CENPK: variants seen among roughly 807,000 people sequenced by gnomAD.
The protein encoded by CENPK is centromere protein K, also known as SoxLZ/Sox6-binding protein Solt.
A neutral mutation model predicts 40.9 loss-of-function variants in CENPK; 46 were observed. The observed-to-expected ratio is 1.13, with a 90% CI of 0.89 to 1.44. CENPK has a LOEUF of 1.44. CENPK is among the 40% of genes most tolerant of loss of function. The pLI, the probability that CENPK is intolerant of heterozygous loss-of-function variation, is 0.00. For missense variants in CENPK, 288 were observed against 303.5 expected, an observed-to-expected ratio of 0.95 and a Z score of 0.38; for synonymous variants, 107 against 104.4, an observed-to-expected ratio of 1.02 and a Z score of -0.15.
At chr5:65,510,830 G>A in the CENPK span, among the ~76,000 whole-genome samples, 1 of 151,920 alleles carries the variant, frequency 6.6e-6, no homozygotes, top group African/African-American at 2.4e-5. Context: ...TTAATTAATG[G>A]AGTATTGGGT....
intron 5 of CENPK, among the ~76,000 whole-genome samples, chr5:65,547,955 C>T (rs974200122): frequency 2.0e-5 from 3 of 152,108 alleles, no homozygotes; most frequent in African/African-American, 7.2e-5. Context: ...TGAGCCACAG[C>T]GCCCAGCCTG....
intron 5 of CENPK, chr5:65,551,159 A>C (rs1171378088): frequency 2.5e-6 from 1 of 402,720 alleles, no homozygotes; most frequent in South Asian, 1.8e-5. Context: ...CTGAGGTAGG[A>C]GGATCACTTG....
At chr5:65,496,750 AT>A in the CENPK span, among the ~76,000 whole-genome samples, 2 of 152,000 alleles carry the variant, frequency 1.3e-5, no homozygotes, top group Admixed American at 1.3e-4. Context: ...TTATGAGTAT[AT>A]TTTTACTATA....
At chr5:65,557,607 T>C (rs922541620) in intron 2 of CENPK, among the ~76,000 whole-genome samples, 1 of 152,212 alleles carries the variant, frequency 6.6e-6, no homozygotes, top group African/African-American at 2.4e-5. Flanking sequence ...CTCCCAGACA[T>C]ACACACGATC....
intron 2 of CENPK, among the ~76,000 whole-genome samples, chr5:65,556,817 C>T (rs1373513497): frequency 6.6e-6 from 1 of 152,064 alleles, no homozygotes; most frequent in Non-Finnish European, 1.5e-5. Context: ...GTCTTTCATA[C>T]CATTTTTTTT....
At chr5:65,550,439 A>T (rs1749766450) in intron 5 of CENPK, 1 of 152,220 alleles carries the variant, frequency 6.6e-6, no homozygotes, top group Admixed American at 6.5e-5. Flanking sequence ...AGGGAGAGAG[A>T]TGGGGGAACA....
chr5:65,541,215 C>A (rs559560349), intron 6 of CENPK: 154 of 341,706 alleles, frequency 4.5e-4, no homozygotes, highest in Middle Eastern at 3.8e-3. Flanking sequence ...ATTAATTAAA[C>A]CTGAGGAGGA....
intron 3 of CENPK, among the ~76,000 whole-genome samples, chr5:65,554,141 TA>T (rs1239004021): frequency 8.1e-5 from 12 of 148,710 alleles, no homozygotes; most frequent in African/African-American, 2.3e-4. Context: ...AACCAGTAAT[TA>T]TTTTTTTTTT....
At chr5:65,538,137 T>A (rs567819038) in intron 6 of CENPK, among the ~76,000 whole-genome samples, 35 of 152,308 alleles carry the variant, frequency 2.3e-4, no homozygotes, top group Non-Finnish European at 4.9e-4. Flanking sequence ...TTAAAAAAAA[T>A]GGCATTGTTA....
At chr5:65,518,964 CAA>C (rs1178652523) in intron 10 of CENPK, among the ~76,000 whole-genome samples, 2 of 151,902 alleles carry the variant, frequency 1.3e-5, no homozygotes, top group Non-Finnish European at 2.9e-5. Context: ...ACAAAAAACA[CAA>C]AAAGTTAAAA....
In CENPK at chr5:65,528,453, T is replaced by C; in HGVS notation, c.596A>G (p.Lys199Arg). ...PLPDRSVKKK[K>R]KNIQESSVNL... ...ATAAATGTCTTCTCTAAAACTTACC[T>C]TTTTCTTTTTAACACTTCTATCAGG... Residue 199 changes from lysine (K) to arginine (R), a missense_variant and splice_region_variant, in exon 9 of 11, where the codon AAG (lysine) becomes AGG (arginine). Physicochemically the swap from Lys to Arg is conservative, Grantham distance 26. Coordinates refer to ENST00000396679, the MANE Select transcript of CENPK (RefSeq NM_022145.5). 6.3e-7 allele frequency: 1 copy of C among 1,586,432 alleles called. No homozygotes were observed. The highest frequency in any genetic ancestry group is 8.5e-7 in the Non-Finnish European group (1 of 1,172,806).
chr5:65,529,027 T>A lies in CENPK; in HGVS notation c.372-10A>T. 1 of 1,591,454 alleles carries A rather than the reference T, an allele frequency of 6.3e-7. No homozygotes were observed. Among genetic ancestry groups the A allele is most frequent in the Non-Finnish European group, 8.6e-7 (1 of 1,162,490 alleles). On this transcript the variant is annotated splice_polypyrimidine_tract_variant and intron_variant, in intron 7 of 10. Transcript: ENST00000396679. ...CAACCACCGTTGTTCCCTTTCGACA[T>A]GGAAAAACAATACAAGCAATATCTA... is the stretch of plus-strand genomic sequence containing the variant.
downstream of CENPK, among the ~76,000 whole-genome samples, chr5:65,514,243 TTTTTTTTTTTTTTTTTTTAG>T (rs1363167857): frequency 0.012 from 147 of 12,076 alleles, 3 homozygotes; most frequent in East Asian, 0.15. Context: ...TTTTTTTTTT[TTTTTTTTTTTTTTTTTTTAG>T]TTTTTTTTAG....
chr5:65,547,611 T>C (rs1219484895), intron 5 of CENPK, among the ~76,000 whole-genome samples: 1 of 151,772 alleles, frequency 6.6e-6, no homozygotes. Flanking sequence ...AGAATATGGA[T>C]AAAATTGTAT....
chr5:65,521,870 T>C (rs994179443), intron 9 of CENPK, among the ~76,000 whole-genome samples: 3 of 152,136 alleles, frequency 2.0e-5, no homozygotes, highest in African/African-American at 4.8e-5. Context: ...CCAAAGTGCT[T>C]TGATTACAGG....
chr5:65,526,417 T>C (rs1744713365), intron 9 of CENPK, among the ~76,000 whole-genome samples: 1 of 151,968 alleles, frequency 6.6e-6, no homozygotes, highest in Non-Finnish European at 1.5e-5. Flanking sequence ...CTATAGACAA[T>C]TATAAATAAG....
At chr5:65,533,817 C>A (rs1229650856) in intron 6 of CENPK, among the ~76,000 whole-genome samples, 1 of 151,852 alleles carries the variant, frequency 6.6e-6, no homozygotes. Context: ...CCAAGGTGGG[C>A]AGATCATGAG....
intron 6 of CENPK, among the ~76,000 whole-genome samples, chr5:65,530,325 AG>A (rs1398938267): frequency 6.6e-6 from 1 of 152,236 alleles, no homozygotes; most frequent in Admixed American, 6.5e-5. Context: ...TCAAAATAAA[AG>A]TAAAGGTATG....
At chr5:65,518,670 G>A (rs771239819) in intron 10 of CENPK, 37 bp from the exon 11 acceptor site, 1 of 1,417,118 alleles carries the variant, frequency 7.1e-7, no homozygotes, top group Non-Finnish European at 9.7e-7. Flanking sequence ...ACTTTACTTG[G>A]GAAAAAGTCA....
Sources: allele counts gnomAD v4.1 joint callset (sites outside exome capture counted in the v4.1 genomes callset), GRCh38; gene constraint gnomAD v4.1.1; transcripts MANE v1.5; gene names NCBI Gene and HGNC (gene_info 2026-07-23, HGNC 2026-07-21).